Variants in CDKAL1 observed in about 807,000 individuals in gnomAD.
CDKAL1 encodes the protein CDKAL1 threonylcarbamoyladenosine tRNA methylthiotransferase.
Under a neutral mutation model 68.2 loss-of-function variants are expected in CDKAL1, and 32 were observed. That is an observed-to-expected ratio of 0.47 (90% CI 0.35 to 0.63). The LOEUF (loss-of-function observed/expected upper bound fraction) is 0.63. CDKAL1 is among the 30% of genes least tolerant of loss of function. The probability of loss-of-function intolerance (pLI) is 0.00; values close to 1 mark genes in which losing one functional copy is unlikely to be tolerated. For synonymous variants in CDKAL1, 234 were observed against 244.3 expected (o/e 0.96, Z 0.39); for missense variants, 606 against 696.7 (o/e 0.87, Z 1.47).
chr6:20,792,660 A>G (rs1220406294), intron 8 of CDKAL1, among the ~76,000 whole-genome samples: 2 of 152,216 alleles, frequency 1.3e-5, no homozygotes, highest in Non-Finnish European at 2.9e-5. Flanking sequence ...AGCCCCTTGT[A>G]ACTGGAAGAT....
At chr6:21,227,001 C>T (rs761742315) in intron 15 of CDKAL1, among the ~76,000 whole-genome samples, 17 of 152,236 alleles carry the variant, frequency 1.1e-4, no homozygotes, top group Non-Finnish European at 2.2e-4. Flanking sequence ...GCCACCGCAC[C>T]CAGCCCCAGT....
chr6:21,191,751 G>A (rs984942145), intron 13 of CDKAL1, among the ~76,000 whole-genome samples: 2 of 116,204 alleles, frequency 1.7e-5, no homozygotes, highest in African/African-American at 7.5e-5. Flanking sequence ...CTGCCTTTGT[G>A]GTTTTCATTA....
intron 13 of CDKAL1, among the ~76,000 whole-genome samples, chr6:21,193,401 C>T (rs1017459405): frequency 1.3e-5 from 2 of 152,068 alleles, no homozygotes; most frequent in African/African-American, 2.4e-5. Flanking sequence ...TGTGCTGATC[C>T]GCAGCCTACA....
intron 8 of CDKAL1, among the ~76,000 whole-genome samples, chr6:20,809,120 T>C (rs1397948595): frequency 6.6e-6 from 1 of 152,164 alleles, no homozygotes; most frequent in East Asian, 1.9e-4. Flanking sequence ...CATAACAAAA[T>C]CTGTGATCTT....
At chr6:20,651,292 A>G (rs1768758646) in intron 5 of CDKAL1, among the ~76,000 whole-genome samples, 1 of 151,910 alleles carries the variant, frequency 6.6e-6, no homozygotes, top group African/African-American at 2.4e-5. Context: ...CTGTTTTCCT[A>G]GGTATTTTAT....
At chr6:21,097,005 G>A (rs1370411598) in intron 12 of CDKAL1, among the ~76,000 whole-genome samples, 2 of 152,180 alleles carry the variant, frequency 1.3e-5, no homozygotes, top group Non-Finnish European at 2.9e-5. Context: ...TATCAAGAAT[G>A]TATCTAGAAA....
intron 13 of CDKAL1, among the ~76,000 whole-genome samples, chr6:21,157,620 C>A (rs763627782): frequency 6.6e-6 from 1 of 152,152 alleles, no homozygotes; most frequent in Non-Finnish European, 1.5e-5. Flanking sequence ...AAAGCAACCT[C>A]TTTGTTTGTT....
chr6:20,571,553 T>TG (rs35142564), intron 4 of CDKAL1, among the ~76,000 whole-genome samples: 2 of 152,064 alleles, frequency 1.3e-5, no homozygotes, highest in Admixed American at 6.5e-5. Flanking sequence ...ATTGACATTT[T>TG]GGGGGGAAAA....
chr6:20,568,895 C>A (rs1476023549), intron 4 of CDKAL1, among the ~76,000 whole-genome samples: 1 of 152,086 alleles, frequency 6.6e-6, no homozygotes, highest in Non-Finnish European at 1.5e-5. Context: ...TTTATTTCTT[C>A]TTGTAGCACT....
In CDKAL1 at chr6:20,674,548, A is replaced by G. The variant is rs544584987; in HGVS notation, c.371+25171A>G. ...ATGATCAAATCAGGATAATTAGTTT[A>G]TTCATCACCTCAAACATTTATCATT... is the stretch of plus-strand genomic sequence containing the variant. On this transcript the variant is annotated intron_variant, in intron 5 of 15. Transcript: ENST00000274695. Among the ~76,000 whole-genome samples, 90 of 152,334 alleles carry G rather than the reference A, an allele frequency of 5.9e-4. 1 individual carries two copies. Among genetic ancestry groups the G allele is most frequent in the Non-Finnish European group, 1.1e-3 (72 of 68,030 alleles).
chr6:21,202,222 T>C (rs886229334), intron 15 of CDKAL1, among the ~76,000 whole-genome samples: 6 of 152,190 alleles, frequency 3.9e-5, no homozygotes, highest in Non-Finnish European at 8.8e-5. Context: ...ACAGCAGTGA[T>C]AATTCACATG....
At chr6:20,815,973 T>A (rs1777026223) in intron 8 of CDKAL1, among the ~76,000 whole-genome samples, 1 of 152,176 alleles carries the variant, frequency 6.6e-6, no homozygotes, top group Admixed American at 6.5e-5. Flanking sequence ...GGCAGTACCA[T>A]GTTCTCTCCA....
At chr6:20,707,453 G>T (rs193034994) in intron 5 of CDKAL1, among the ~76,000 whole-genome samples, 3 of 152,266 alleles carry the variant, frequency 2.0e-5, no homozygotes, top group Admixed American at 2.0e-4. Flanking sequence ...TCTAAGGGTA[G>T]CCTATTCTTA....
chr6:20,879,202 A>G (rs1330296119), intron 9 of CDKAL1, among the ~76,000 whole-genome samples: 1 of 152,202 alleles, frequency 6.6e-6, no homozygotes, highest in African/African-American at 2.4e-5. Context: ...GACTCTTTGC[A>G]TTTCTGTAGA....
At chr6:21,013,556 G>A (rs1392954468) in intron 11 of CDKAL1, among the ~76,000 whole-genome samples, 1 of 152,186 alleles carries the variant, frequency 6.6e-6, no homozygotes, top group Non-Finnish European at 1.5e-5. Context: ...CCTAGTCTGA[G>A]TTCCTTGTTA....
chr6:21,065,303 A>G, intron 12 of CDKAL1, 75 bp downstream of exon 12: 1 of 1,141,192 alleles, frequency 8.8e-7, no homozygotes, highest in East Asian at 2.5e-5. Context: ...CTACCTTCAC[A>G]CAACTTGCTC....
At chr6:20,598,341 T>C (rs1765930873) in intron 4 of CDKAL1, among the ~76,000 whole-genome samples, 2 of 152,222 alleles carry the variant, frequency 1.3e-5, no homozygotes, top group African/African-American at 4.8e-5. Context: ...TTGTTAATAT[T>C]ACATACCAAT....
chr6:20,813,276 C>T (rs1294068838), intron 8 of CDKAL1, among the ~76,000 whole-genome samples: 1 of 152,138 alleles, frequency 6.6e-6, no homozygotes, highest in Non-Finnish European at 1.5e-5. Context: ...TGAGTGCCTA[C>T]TCAAATCTTT....
At chr6:20,779,635 A>G (rs1424478989) in intron 7 of CDKAL1, among the ~76,000 whole-genome samples, 1 of 152,222 alleles carries the variant, frequency 6.6e-6, no homozygotes, top group Non-Finnish European at 1.5e-5. Flanking sequence ...CCCAGGTTGT[A>G]GCGCAGTGGC....
Sources: allele counts gnomAD v4.1 joint callset (sites outside exome capture counted in the v4.1 genomes callset), GRCh38; gene constraint gnomAD v4.1.1; transcripts MANE v1.5; gene names NCBI Gene and HGNC (gene_info 2026-07-23, HGNC 2026-07-21).